LOC128706665: variants seen among roughly 807,000 people sequenced by gnomAD.
chr20:10,428,838 C>T, the LOC128706665 span, among the ~76,000 whole-genome samples: 60,407 of 126,538 alleles, frequency 0.48, 12,325 homozygotes, highest in Admixed American at 0.51. Context: ...AGCAAGACTC[C>T]GTCTCAATAA....
At chr20:10,418,595 T>C in the LOC128706665 span, among the ~76,000 whole-genome samples, 1 of 152,134 alleles carries the variant, frequency 6.6e-6, no homozygotes, top group Non-Finnish European at 1.5e-5. Flanking sequence ...CTTTTAACTA[T>C]TGCTGCACTG....
the LOC128706665 span, among the ~76,000 whole-genome samples, chr20:10,433,211 G>A: frequency 1.6e-4 from 24 of 152,312 alleles, no homozygotes; most frequent in South Asian, 3.7e-3. Context: ...TCGCCACGTT[G>A]GCCTGGCTGG....
the LOC128706665 span, among the ~76,000 whole-genome samples, chr20:10,418,626 C>T: frequency 1.3e-5 from 2 of 152,130 alleles, no homozygotes; most frequent in Non-Finnish European, 2.9e-5. Context: ...TCTCTTACTA[C>T]ATTCACCTAA....
At chr20:10,416,262 A>G in the LOC128706665 span, among the ~76,000 whole-genome samples, 1 of 152,222 alleles carries the variant, frequency 6.6e-6, no homozygotes, top group Non-Finnish European at 1.5e-5. Context: ...AAGAAAATAC[A>G]AACAGGTGAA....
At chr20:10,419,413 G>GT in the LOC128706665 span, among the ~76,000 whole-genome samples, 1 of 151,878 alleles carries the variant, frequency 6.6e-6, no homozygotes, top group Non-Finnish European at 1.5e-5. Context: ...TAAATCAAAC[G>GT]TGACAAATGC....
At chr20:10,419,506 A>G in the LOC128706665 span, among the ~76,000 whole-genome samples, 1 of 152,218 alleles carries the variant, frequency 6.6e-6, no homozygotes, top group Non-Finnish European at 1.5e-5. Context: ...TATGAGGGAT[A>G]TGTTCCAAGA....
the LOC128706665 span, among the ~76,000 whole-genome samples, chr20:10,423,529 T>C: frequency 1.3e-5 from 2 of 152,160 alleles, no homozygotes; most frequent in South Asian, 4.1e-4. Context: ...TAAATGACAA[T>C]CTGTAACACT....
the LOC128706665 span, among the ~76,000 whole-genome samples, chr20:10,419,412 C>A: frequency 6.6e-6 from 1 of 151,884 alleles, no homozygotes; most frequent in Non-Finnish European, 1.5e-5. Context: ...GTAAATCAAA[C>A]GTGACAAATG....
the LOC128706665 span, among the ~76,000 whole-genome samples, chr20:10,429,272 C>T: frequency 1.3e-5 from 2 of 152,166 alleles, no homozygotes; most frequent in African/African-American, 4.8e-5. Flanking sequence ...TCTTGAGACT[C>T]CTAAGTACTC....
At chr20:10,430,810 T>G in the LOC128706665 span, among the ~76,000 whole-genome samples, 20 of 152,354 alleles carry the variant, frequency 1.3e-4, no homozygotes, top group South Asian at 1.4e-3. Context: ...TCATGTATGT[T>G]TCTCTAATAA....
chr20:10,416,338 T>A, the LOC128706665 span, among the ~76,000 whole-genome samples: 3 of 152,038 alleles, frequency 2.0e-5, no homozygotes, highest in African/African-American at 7.2e-5. Flanking sequence ...AGGTAAGAAA[T>A]ACACAAGGTA....
At chr20:10,417,220 T>G in the LOC128706665 span, among the ~76,000 whole-genome samples, 2 of 141,526 alleles carry the variant, frequency 1.4e-5, no homozygotes, top group African/African-American at 5.3e-5. Context: ...AACTGCAGCC[T>G]GGGTGACAGA....
the LOC128706665 span, among the ~76,000 whole-genome samples, chr20:10,428,406 C>T: frequency 0.11 from 17,464 of 152,120 alleles, 1,108 homozygotes; most frequent in East Asian, 0.24. Context: ...CCATTTCTAC[C>T]CTTCATCATT....
At chr20:10,428,362 T>TAA in the LOC128706665 span, among the ~76,000 whole-genome samples, 1 of 152,226 alleles carries the variant, frequency 6.6e-6, no homozygotes, top group Non-Finnish European at 1.5e-5. Context: ...GCAAACACTT[T>TAA]ATGTTCCTGG....
the LOC128706665 span, among the ~76,000 whole-genome samples, chr20:10,422,416 A>C: frequency 1.3e-5 from 2 of 152,184 alleles, no homozygotes; most frequent in South Asian, 4.1e-4. Context: ...ATCATAATTA[A>C]ATTTCATTGT....
chr20:10,417,799 AC>A, the LOC128706665 span, among the ~76,000 whole-genome samples: 2 of 152,238 alleles, frequency 1.3e-5, no homozygotes, highest in African/African-American at 2.4e-5. Context: ...AATTAAAAAA[AC>A]AAATGAAAGT....
the LOC128706665 span, among the ~76,000 whole-genome samples, chr20:10,426,067 T>C: frequency 2.2e-3 from 340 of 152,346 alleles, no homozygotes; most frequent in Admixed American, 4.6e-3. Context: ...CTCTCAAAAG[T>C]ATGGTCTTAA....
chr20:10,414,064 A>T, the LOC128706665 span: 6 of 372,392 alleles, frequency 1.6e-5, no homozygotes, highest in Non-Finnish European at 9.4e-6. Context: ...AACGTCCAGA[A>T]AATGAGAAAG....
the LOC128706665 span, among the ~76,000 whole-genome samples, chr20:10,427,029 GACACACACACACACACACACACACACAC>G: frequency 1.7e-4 from 22 of 130,724 alleles, no homozygotes; most frequent in African/African-American, 6.2e-4. Flanking sequence ...AGAAAACACT[GACACACACACACACACACACACACACAC>G]ACACACACAC....
Sources: allele counts gnomAD v4.1 joint callset (sites outside exome capture counted in the v4.1 genomes callset), GRCh38; gene constraint gnomAD v4.1.1; transcripts MANE v1.5.